The following FRYL variants were observed in gnomAD, a reference collection of about 807,000 sequenced individuals.
The protein encoded by FRYL is FRY like transcription coactivator.
In FRYL, 150 loss-of-function variants were observed where a neutral mutation model predicts 351.2. That is an observed-to-expected ratio of 0.43 (90% CI 0.37 to 0.49). The LOEUF (loss-of-function observed/expected upper bound fraction) is 0.49, where lower values mean the gene tolerates loss of function less well. FRYL is among the 20% of genes least tolerant of loss of function. The pLI is 0.00. For synonymous variants in FRYL, 1,153 were observed against 1,257.1 expected, an observed-to-expected ratio of 0.92 and a Z score of 1.75; for missense variants, 3,036 against 3,619.3, an observed-to-expected ratio of 0.84 and a Z score of 4.13.
At chr4:48,766,396 G>C (rs1774953711) in intron 1 of FRYL, among the ~76,000 whole-genome samples, 1 of 152,140 alleles carries the variant, frequency 6.6e-6, no homozygotes, top group Non-Finnish European at 1.5e-5. Flanking sequence ...CAGGCCCCAG[G>C]AATCAGTGAC....
intron 1 of FRYL, among the ~76,000 whole-genome samples, chr4:48,751,550 A>C (rs1241580241): frequency 6.6e-6 from 1 of 152,210 alleles, no homozygotes; most frequent in Non-Finnish European, 1.5e-5. Context: ...GATACAAAAG[A>C]AACAGTGGAA....
intron 1 of FRYL, among the ~76,000 whole-genome samples, chr4:48,716,367 A>G (rs1184699179): frequency 2.0e-5 from 3 of 151,560 alleles, no homozygotes; most frequent in Non-Finnish European, 4.4e-5. Flanking sequence ...AATTTTCGCA[A>G]CCTACTCATC....
At chr4:48,613,758 C>A (rs986184561) in intron 7 of FRYL, among the ~76,000 whole-genome samples, 1 of 152,106 alleles carries the variant, frequency 6.6e-6, no homozygotes, top group Non-Finnish European at 1.5e-5. Context: ...GAGTTCCAGA[C>A]CAGCCTGGCC....
chr4:48,662,255 A>G (rs1405994845), intron 3 of FRYL, among the ~76,000 whole-genome samples: 1 of 152,162 alleles, frequency 6.6e-6, no homozygotes, highest in Non-Finnish European at 1.5e-5. Flanking sequence ...AGCCTGGGCA[A>G]CATAGTGAGA....
In FRYL at chr4:48,512,523, G is replaced by A; in HGVS notation, c.8103C>T (p.Ser2701=). The change falls in exon 57 of 64, where the codon TCC becomes TCT. Residue 2701 remains serine (S), a synonymous_variant. Coordinates refer to ENST00000358350, the MANE Select transcript of FRYL (RefSeq NM_015030.2). ...ACACATGAAAAGTAAACACTGCAGA[G>A]GACCCGTCGGTGTCAGACAGCATCT... ...VNQMLSDTDG[S]SAVFTFHVFS... is the part of the protein sequence containing the mutation. The A allele has an allele frequency of 6.2e-7, 1 of 1,614,018 alleles. No individual in the cohort carries two copies. The highest frequency in any genetic ancestry group is 1.3e-5 in the African/African-American group (1 of 75,030).
chr4:48,536,564 G>A (rs969801783), intron 47 of FRYL, among the ~76,000 whole-genome samples: 3 of 152,150 alleles, frequency 2.0e-5, no homozygotes, highest in African/African-American at 7.2e-5. Context: ...TTCTTAGTCT[G>A]TTTGTTCCCT....
chr4:48,617,308 T>C (rs1192654752), intron 7 of FRYL, among the ~76,000 whole-genome samples: 1 of 151,082 alleles, frequency 6.6e-6, no homozygotes, highest in Non-Finnish European at 1.5e-5. Context: ...TGCAGTGCAG[T>C]GAATGTGAAC....
At chr4:48,501,817 C>G (rs1719736895) in intron 61 of FRYL, 84 bp from the exon 62 acceptor site, 2 of 871,934 alleles carry the variant, frequency 2.3e-6, no homozygotes, top group Non-Finnish European at 3.7e-6. Context: ...TTAAAATTGT[C>G]TTGTCGTTTA....
intron 1 of FRYL, among the ~76,000 whole-genome samples, chr4:48,764,487 T>C (rs1774742025): frequency 1.3e-5 from 2 of 150,072 alleles, no homozygotes. Context: ...GCCATGATCA[T>C]GCCACTGTGC....
rs371872612 is a variant in FRYL at position 48,515,057 on chromosome 4, T to G, written c.7908A>C (p.Glu2636Asp). 16 of 1,613,736 alleles carry G rather than the reference T, an allele frequency of 9.9e-6. No homozygotes were observed. Among genetic ancestry groups the G allele is most frequent in the African/African-American group, 4.0e-5 (3 of 74,904 alleles). The change falls in exon 56 of 64, where the codon GAA becomes GAC. Residue 2636 changes from glutamate to aspartate, a missense_variant. By Grantham distance (45) the Glu-to-Asp change is conservative. Transcript: ENST00000358350. Reference sequence around the variant, plus strand: ...ACAGTCCGGAGAAATCCGCTTCTTCTTCTTCACATCTTTCATCTAGCTCTT... The same window carrying G: ...ACAGTCCGGAGAAATCCGCTTCTTCGTCTTCACATCTTTCATCTAGCTCTT... ...ALKELDERCE[E>D]EEADFSGLSS...
intron 44 of FRYL, among the ~76,000 whole-genome samples, chr4:48,542,509 C>T (rs550509884): frequency 2.6e-5 from 4 of 152,296 alleles, no homozygotes; most frequent in South Asian, 2.1e-4. Flanking sequence ...CTCTGCCTCC[C>T]GGATTCAAGT....
chr4:48,669,949 TTTTTAC>T (rs1449494206), intron 3 of FRYL, among the ~76,000 whole-genome samples: 21 of 152,144 alleles, frequency 1.4e-4, no homozygotes, highest in South Asian at 6.2e-4. Flanking sequence ...TTAAAATCAT[TTTTTAC>T]TTTTAATTTT....
intron 3 of FRYL, among the ~76,000 whole-genome samples, chr4:48,651,289 CTGTGTGTGTG>C (rs59845967): frequency 0.36 from 22,677 of 62,274 alleles, 5,242 homozygotes; most frequent in East Asian, 0.46. Context: ...CAGGATCTCA[CTGTGTGTGTG>C]TGTGTGTGTG....
intron 32 of FRYL, 115 bp downstream of exon 32, chr4:48,562,774 C>A (rs1695806362): frequency 1.6e-6 from 1 of 639,646 alleles, no homozygotes; most frequent in African/African-American, 1.9e-5. Context: ...ACCATAACTT[C>A]TTTACTATAA....
At chr4:48,608,835 T>A (rs140518123) in intron 9 of FRYL, 152 bp downstream of exon 9, 94 of 613,092 alleles carry the variant, frequency 1.5e-4, no homozygotes, top group African/African-American at 1.5e-3. Context: ...AAAGAGCTTC[T>A]GAGAAACAGA....
At chr4:48,552,383 A>C (rs760631111) in intron 36 of FRYL, among the ~76,000 whole-genome samples, 3 of 152,130 alleles carry the variant, frequency 2.0e-5, no homozygotes, top group Non-Finnish European at 2.9e-5. Context: ...CATCACTGAA[A>C]TCATGGTACG....
intron 3 of FRYL, among the ~76,000 whole-genome samples, chr4:48,684,183 T>G (rs540827502): frequency 2.0e-5 from 3 of 152,298 alleles, no homozygotes; most frequent in Admixed American, 2.0e-4. Flanking sequence ...GAATAGCTTC[T>G]CTAATGATCT....
At chr4:48,773,108 C>T (rs1366818096) in intron 1 of FRYL, among the ~76,000 whole-genome samples, 1 of 152,142 alleles carries the variant, frequency 6.6e-6, no homozygotes, top group African/African-American at 2.4e-5. Flanking sequence ...GAGACAACTA[C>T]AAAAAATTCT....
intron 1 of FRYL, among the ~76,000 whole-genome samples, chr4:48,772,679 C>CAAAAAAAAAAAAAAAAAAAAAAAAAAAAA (rs33926702): frequency 2.0e-5 from 1 of 50,266 alleles, no homozygotes; most frequent in South Asian, 1.2e-3. Context: ...AGAGACCTAC[C>CAAAAAAAAAAAAAAAAAAAAAAAAAAAAA]AAAAAAAAAA....
Sources: gnomAD v4.1 joint callset for allele counts (sites outside exome capture counted in the v4.1 genomes callset) on GRCh38, gnomAD v4.1.1 for gene constraint, MANE v1.5 for transcripts, NCBI Gene and HGNC (gene_info 2026-07-23, HGNC 2026-07-21) for gene names.